The following HERC1 variants were observed in gnomAD, a reference collection of about 807,000 sequenced individuals.
HERC1 encodes probable E3 ubiquitin-protein ligase HERC1.
In HERC1, 160 loss-of-function variants were observed where a neutral mutation model predicts 554.3. That is an observed-to-expected ratio of 0.29 (90% CI 0.25 to 0.33). HERC1 has a LOEUF of 0.33. Among genes scored for constraint, HERC1 ranks in the 10% least tolerant of loss-of-function variants. HERC1 has a pLI of 1.00. For synonymous variants in HERC1, 2,175 were observed against 2,131.7 expected, an observed-to-expected ratio of 1.02 and a Z score of -0.56; for missense variants, 4,919 against 5,918.5, an observed-to-expected ratio of 0.83 and a Z score of 5.54.
chr15:63,739,098 T>C (rs2074674943), intron 12 of HERC1, among the ~76,000 whole-genome samples: 1 of 151,854 alleles, frequency 6.6e-6, no homozygotes, highest in African/African-American at 2.4e-5. Context: ...CACTATCCAA[T>C]TTAGAATATC....
intron 1 of HERC1, among the ~76,000 whole-genome samples, chr15:63,826,504 T>G (rs2077908461): frequency 6.6e-6 from 1 of 151,978 alleles, no homozygotes; most frequent in Admixed American, 6.6e-5. Flanking sequence ...TTCTTAGAAT[T>G]TCAGTTATCC....
At chr15:63,632,868 A>C in intron 67 of HERC1, 57 bp from the exon 68 acceptor site, 5 of 1,199,846 alleles carry the variant, frequency 4.2e-6, no homozygotes, top group Non-Finnish European at 6.0e-6. Context: ...TCACTCTTGA[A>C]TTTGCCTAAT....
chr15:63,686,580 C>T (rs747546478), intron 33 of HERC1, 45 bp from the exon 34 acceptor site: 2 of 1,539,220 alleles, frequency 1.3e-6, no homozygotes, highest in South Asian at 2.3e-5. Flanking sequence ...TAATCCATGT[C>T]TCAGATAAGA....
chr15:63,644,905 G>T, intron 57 of HERC1, 87 bp downstream of exon 57: 1 of 985,900 alleles, frequency 1.0e-6, no homozygotes, highest in South Asian at 1.4e-5. Flanking sequence ...ATATAGTAAT[G>T]ACTTTTTTAG....
chr15:63,831,092 T>C (rs77357604), intron 1 of HERC1, among the ~76,000 whole-genome samples: 4,704 of 152,100 alleles, frequency 0.031, 237 homozygotes, highest in African/African-American at 0.11. Flanking sequence ...GTGTAGACCT[T>C]TGTTGTTGTT....
In HERC1 at chr15:63,823,406, T is replaced by G. The variant is rs1049221589; in HGVS notation, c.-27+10421A>C. ...TCATCCTCACATCAGCCCTATGACGTAGCAACTATAATTATTCCCATTTTA... is the reference window on the plus strand; with the variant it reads ...TCATCCTCACATCAGCCCTATGACGGAGCAACTATAATTATTCCCATTTTA... On this transcript the variant is annotated intron_variant, in intron 1 of 77. Coordinates refer to ENST00000443617, the MANE Select transcript of HERC1 (RefSeq NM_003922.4). Among the ~76,000 whole-genome samples the G allele has an allele frequency of 3.3e-5, 5 of 152,234 alleles. No homozygotes were observed. In the East Asian group the frequency reaches 9.6e-4, roughly 29 times the overall value.
chr15:63,645,778 T>C lies in HERC1; in HGVS notation c.10879-96A>G, dbSNP rs2069306474. Reference sequence around the variant, plus strand: ...CATAACTTATATTTCTTAGCATCTATATTTCTATAACTCATTTATTTTGAA... The same window carrying C: ...CATAACTTATATTTCTTAGCATCTACATTTCTATAACTCATTTATTTTGAA... On this transcript the variant is annotated intron_variant, in intron 55 of 77. Transcript: ENST00000443617. 3 of 711,296 alleles carry C rather than the reference T, an allele frequency of 4.2e-6. No individual in the cohort carries two copies. In the Admixed American group the frequency reaches 1.0e-4, roughly 24 times the overall value. The allele number at this position is 711,296 out of a possible 1,614,324, so 44.1% of individuals were successfully genotyped here.
chr15:63,802,067 T>G (rs2077007377), intron 1 of HERC1, among the ~76,000 whole-genome samples: 1 of 152,164 alleles, frequency 6.6e-6, no homozygotes, highest in African/African-American at 2.4e-5. Context: ...TAAAGACTTC[T>G]CAAGGGCATT....
At position 63,706,851 on chromosome 15, in the gene HERC1, A is replaced by G; in HGVS notation, c.4585-20T>C. ...GCCACTCTATTAAAAGTAAAAAGTA[A>G]ATAAATAAAATTTAGTTGTGAAAAG... On this transcript the variant is annotated intron_variant, in intron 24 of 77. Transcript: ENST00000443617. 1 of 1,469,256 alleles carries G rather than the reference A, an allele frequency of 6.8e-7. No homozygotes were observed. The highest frequency in any genetic ancestry group is 1.3e-5 in the South Asian group (1 of 78,860). 91.0% of individuals were successfully genotyped at this position (1,469,256 alleles called of 1,614,324 possible).
chr15:63,698,253 T>G (rs1307054085), intron 26 of HERC1, among the ~76,000 whole-genome samples: 4 of 151,996 alleles, frequency 2.6e-5, no homozygotes, highest in Non-Finnish European at 5.9e-5. Context: ...TTGTCTCTCC[T>G]AATAATACAA....
rs141332010 is a variant in HERC1 at position 63,742,110 on chromosome 15, T to G, written c.2520+4808A>C. Among the ~76,000 whole-genome samples, 155 of 152,374 alleles carry G rather than the reference T, an allele frequency of 1.0e-3. 1 individual carries two copies. The highest frequency in any genetic ancestry group is 3.6e-3 in the African/African-American group (148 of 41,588). ...ATCTTCACAATATTAAGTCTTGCAATCCATAAACATGAGGTGTGTTTCCAT... is the reference window on the plus strand; with the variant it reads ...ATCTTCACAATATTAAGTCTTGCAAGCCATAAACATGAGGTGTGTTTCCAT... On this transcript the variant is annotated intron_variant, in intron 12 of 77. Transcript: ENST00000443617.
intron 1 of HERC1, among the ~76,000 whole-genome samples, chr15:63,795,827 C>T (rs1158532046): frequency 6.6e-6 from 1 of 152,188 alleles, no homozygotes; most frequent in Non-Finnish European, 1.5e-5. Flanking sequence ...TGTATTTGTC[C>T]CGACTGGCTA....
chr15:63,778,809 T>C (rs2076190158), intron 1 of HERC1, among the ~76,000 whole-genome samples: 1 of 152,218 alleles, frequency 6.6e-6, no homozygotes, highest in East Asian at 1.9e-4. Flanking sequence ...TTGAGGGAAA[T>C]TCCCTGATGA....
intron 3 of HERC1, among the ~76,000 whole-genome samples, chr15:63,763,508 T>C (rs1466251771): frequency 1.3e-5 from 2 of 151,338 alleles, no homozygotes; most frequent in Non-Finnish European, 2.9e-5. Flanking sequence ...CCTAGATTCC[T>C]GAACAAACAT....
rs556654636 is a variant in HERC1, at chr15:63,650,374, A to AAAAT, written c.10547-453_10547-450dup. On this transcript the variant is annotated intron_variant, in intron 53 of 77. Transcript: ENST00000443617. ...GAATGACAGAGCAAGACTCCGTCTC[A>AAAAT]AAATAAATAAATAAATAAATAAAAT... 1.3e-4 allele frequency among the ~76,000 whole-genome samples: 20 copies of AAAAT among 152,126 alleles called. No individual in the cohort carries two copies. The East Asian group carries it at 1.7e-3, about 13-fold the overall frequency.
rs1433908694 is a variant in HERC1, at chr15:63,792,751, A to G, written c.-26-17102T>C. Among the ~76,000 whole-genome samples the G allele has an allele frequency of 2.6e-5, 4 of 152,198 alleles. No homozygotes were observed. The East Asian group carries it at 7.7e-4, about 29-fold the overall frequency. On this transcript the variant is annotated intron_variant, in intron 1 of 77. Transcript: ENST00000443617. ...AGCAAGCAATCTTGCAGCAGACGCT[A>G]GCTGGGTGTCTTCTAAGTCAATTCA...
In HERC1 at chr15:63,632,775, C is replaced by A; in HGVS notation, c.12730G>T (p.Val4244Phe). 1 of 1,569,838 alleles carries A rather than the reference C, an allele frequency of 6.4e-7. No homozygotes were observed. The highest frequency in any genetic ancestry group is 8.7e-7 in the Non-Finnish European group (1 of 1,155,726). ...DVLCGIGIKKVACGTQFSVAL... is the reference protein window; with the variant it reads ...DVLCGIGIKKFACGTQFSVAL... ...ACAGAAAACTGAGTTCCACAAGCAA[C>A]CTTTTTTATTCCAATTCCACAAAGG... is the stretch of plus-strand genomic sequence containing the variant. Residue 4244 changes from valine to phenylalanine, a missense_variant, in exon 68 of 78, where the codon GTT (valine) becomes TTT (phenylalanine). Physicochemically the swap from Val to Phe is conservative, Grantham distance 50. Around this residue, in one of 11 missense-constraint regions of HERC1, gnomAD observed 410 missense variants for 467.0 expected, o/e 0.88. Coordinates refer to ENST00000443617, the MANE Select transcript of HERC1 (RefSeq NM_003922.4).
chr15:63,800,944 G>T (rs1256782687), intron 1 of HERC1, among the ~76,000 whole-genome samples: 5 of 152,160 alleles, frequency 3.3e-5, no homozygotes, highest in South Asian at 4.1e-4. Context: ...CAAGGGAGAG[G>T]AAAAGGGGTG....
chr15:63,765,324 A>G (rs749814085), intron 2 of HERC1, among the ~76,000 whole-genome samples: 1 of 151,944 alleles, frequency 6.6e-6, no homozygotes, highest in Non-Finnish European at 1.5e-5. Flanking sequence ...GGAAAAAGGC[A>G]CAGATCTGTG....
Sources: allele counts gnomAD v4.1 joint callset (sites outside exome capture counted in the v4.1 genomes callset), GRCh38; gene constraint gnomAD v4.1.1; regional missense constraint gnomAD v4.1.1; transcripts MANE v1.5; gene names NCBI Gene and HGNC (gene_info 2026-07-23, HGNC 2026-07-21).